TOMM34: variants seen among roughly 807,000 people sequenced by gnomAD.
TOMM34 encodes the protein mitochondrial import receptor subunit TOM34.
TOMM34 carries 24 observed loss-of-function variants against 37.4 expected under a neutral mutation model. The observed-to-expected ratio is 0.64, with a 90% confidence interval of 0.46 to 0.90. The LOEUF (loss-of-function observed/expected upper bound fraction) is 0.90. TOMM34 is among the 40% of genes least tolerant of loss of function. The pLI, the probability that TOMM34 is intolerant of heterozygous loss-of-function variation, is 0.00. For synonymous variants in TOMM34, 154 were observed against 148.9 expected (o/e 1.03, Z -0.25); for missense variants, 304 against 375.6 (o/e 0.81, Z 1.58).
At chr20:44,949,519 G>A (rs1224660076) in intron 4 of TOMM34, among the ~76,000 whole-genome samples, 1 of 152,166 alleles carries the variant, frequency 6.6e-6, no homozygotes, top group Middle Eastern at 3.2e-3. Context: ...GAGGGAACAT[G>A]GTGAAATCCA....
chr20:44,952,125 C>T lies in TOMM34; in HGVS notation c.381-123G>A, dbSNP rs979822196. 4.5e-5 allele frequency: 53 copies of T among 1,168,602 alleles called. 1 individual carries two copies. The highest frequency in any genetic ancestry group is 5.5e-5 in the Non-Finnish European group (47 of 851,866). 72.4% of individuals were successfully genotyped at this position (1,168,602 alleles called of 1,614,324 possible). A position where few individuals can be genotyped will look rare whatever the true frequency, so the allele number is the denominator to read the frequency against. On this transcript the variant is annotated intron_variant, in intron 3 of 6. Transcript: ENST00000372813. ...CCAGAGCTGCCACCCTCCCCCTGGTCGGAACCACCTCTTTAGCTCCTCCAA... is the reference window on the plus strand; with the variant it reads ...CCAGAGCTGCCACCCTCCCCCTGGTTGGAACCACCTCTTTAGCTCCTCCAA...
At chr20:44,955,451 T>C in intron 2 of TOMM34, 1 of 649,168 alleles carries the variant, frequency 1.5e-6, no homozygotes, top group South Asian at 1.5e-5. Context: ...TGTGTGCACA[T>C]GCATCAATTT....
intron 5 of TOMM34, among the ~76,000 whole-genome samples, chr20:44,945,415 C>T (rs1159471928): frequency 6.6e-6 from 1 of 152,136 alleles, no homozygotes; most frequent in African/African-American, 2.4e-5. Context: ...CAACAGAGGA[C>T]AGAGGAAGGG....
chr20:44,951,208 C>T (rs2067023364), intron 4 of TOMM34, among the ~76,000 whole-genome samples: 1 of 152,050 alleles, frequency 6.6e-6, no homozygotes. Flanking sequence ...GAAAAAAATC[C>T]TATCTTTTCC....
At chr20:44,946,420 G>T (rs2066981321) in intron 5 of TOMM34, among the ~76,000 whole-genome samples, 1 of 152,142 alleles carries the variant, frequency 6.6e-6, no homozygotes, top group Non-Finnish European at 1.5e-5. Flanking sequence ...AAAGGGGTTG[G>T]GAAATAACAC....
In TOMM34 at chr20:44,943,661, T is replaced by A; in HGVS notation, c.699-82A>T. On this transcript the variant is annotated intron_variant, in intron 5 of 6. Coordinates refer to ENST00000372813, the MANE Select transcript of TOMM34 (RefSeq NM_006809.5). ...CCACGCAGTAGTTTGAGAAGTGATC[T>A]CCAATTTGCTGAACACCTACTCTGT... is the stretch of plus-strand genomic sequence containing the variant. 1.9e-6 allele frequency: 3 copies of A among 1,588,750 alleles called. No homozygotes were observed. The Admixed American group carries it at 5.1e-5, about 27-fold the overall frequency.
At chr20:44,943,418 T>C in intron 6 of TOMM34, 35 bp downstream of exon 6, 1 of 1,613,898 alleles carries the variant, frequency 6.2e-7, no homozygotes, top group Non-Finnish European at 8.5e-7. Context: ...TCTCTGTAGC[T>C]ATGTTGGGAC....
chr20:44,959,861 G>A (rs1384979287), intron 1 of TOMM34: 1 of 930,338 alleles, frequency 1.1e-6, no homozygotes, highest in Non-Finnish European at 1.3e-6. Context: ...ACAAGAATGC[G>A]CTGTCCTTGA....
chr20:44,950,635 T>G (rs193148618), intron 4 of TOMM34, among the ~76,000 whole-genome samples: 1 of 152,250 alleles, frequency 6.6e-6, no homozygotes, highest in Non-Finnish European at 1.5e-5. Context: ...TCAATGGCAC[T>G]GATGCCATCA....
chr20:44,954,950 G>T, intron 3 of TOMM34, 118 bp downstream of exon 3: 1 of 1,302,434 alleles, frequency 7.7e-7, no homozygotes, highest in South Asian at 1.6e-5. Context: ...TGCCCATCGG[G>T]AGTTTTTTAA....
rs369673094 is a variant in TOMM34, at chr20:44,960,377, C to G, written c.-44G>C. 6.8e-4 allele frequency: 1,016 copies of G among 1,499,350 alleles called. 6 individuals carry two copies. In the African/African-American group the frequency reaches 0.013, roughly 20 times the overall value. The allele number at this position is 1,499,350 out of a possible 1,614,324, so 92.9% of individuals were successfully genotyped here. A position where few individuals can be genotyped will look rare whatever the true frequency, so the allele number is the denominator to read the frequency against. On this transcript the variant is annotated 5_prime_UTR_variant, in exon 1 of 7. Coordinates refer to ENST00000372813, the MANE Select transcript of TOMM34 (RefSeq NM_006809.5). ...AGTTGGGAGCTCCTTCCTTCCTCCC[C>G]CGTGTGGTGCGGCACACCTTCCGGG... is the stretch of plus-strand genomic sequence containing the variant.
intron 4 of TOMM34, among the ~76,000 whole-genome samples, chr20:44,951,136 A>G (rs1276573773): frequency 6.6e-6 from 1 of 152,204 alleles, no homozygotes; most frequent in Non-Finnish European, 1.5e-5. Context: ...GCCTGTGACC[A>G]TGAAGACCAG....
In TOMM34 at chr20:44,960,218, A is replaced by G; in HGVS notation, c.116T>C (p.Leu39Pro). ...GGCCGGGGTCGTACCTTGCGCCTGC[A>G]GCACCCGCAGCGCGCGGCCGTAGAG... The part of the protein sequence containing the change: ...SALYGRALRV[L>P]QAQGSSDPEE... Residue 39 changes from leucine to proline, a missense_variant, in exon 1 of 7, where the codon CTG becomes CCG. By Grantham distance (98) the Leu-to-Pro change is moderately conservative (BLOSUM62 -3). Transcript: ENST00000372813. 5.1e-6 allele frequency: 8 copies of G among 1,559,562 alleles called. No homozygotes were observed. The highest frequency in any genetic ancestry group is 6.9e-6 in the Non-Finnish European group (8 of 1,152,998).
At chr20:44,950,969 G>A (rs2067021168) in intron 4 of TOMM34, among the ~76,000 whole-genome samples, 1 of 152,106 alleles carries the variant, frequency 6.6e-6, no homozygotes. Flanking sequence ...TTGGCTGCTT[G>A]GATCTCCTTT....
chr20:44,955,754 C>G lies in TOMM34; in HGVS notation c.228-534G>C, dbSNP rs942756445. On this transcript the variant is annotated intron_variant, in intron 2 of 6. Transcript: ENST00000372813. Reference sequence around the variant, plus strand: ...CAAGGCATGGCACAAATTAATTCAGCACAGGCTCTGTGAGTATGCTCACAC... The same window carrying G: ...CAAGGCATGGCACAAATTAATTCAGGACAGGCTCTGTGAGTATGCTCACAC... The G allele has an allele frequency of 7.3e-6, 3 of 410,748 alleles. No homozygotes were observed. In the East Asian group the frequency reaches 2.1e-4, roughly 29 times the overall value. 25.4% of individuals were successfully genotyped at this position (410,748 alleles called of 1,614,324 possible). A position where few individuals can be genotyped will look rare whatever the true frequency, so the allele number is the denominator to read the frequency against.
chr20:44,960,350 C>G lies in TOMM34; in HGVS notation c.-17G>C. 6.5e-7 allele frequency: 1 copy of G among 1,550,382 alleles called. No individual in the cohort carries two copies. The highest frequency in any genetic ancestry group is 8.7e-7 in the Non-Finnish European group (1 of 1,146,922). ...GGGGGCCATCCCGTGGCCAGGCCGG[C>G]GAGTTGGGAGCTCCTTCCTTCCTCC... On this transcript the variant is annotated 5_prime_UTR_variant, in exon 1 of 7. Transcript: ENST00000372813.
At chr20:44,948,047 T>G (rs1174897718) in intron 5 of TOMM34, among the ~76,000 whole-genome samples, 1 of 152,196 alleles carries the variant, frequency 6.6e-6, no homozygotes, top group Non-Finnish European at 1.5e-5. Context: ...TGTGCCAACA[T>G]TTACTGGCTG....
At chr20:44,954,793 C>T (rs1446263889) in intron 3 of TOMM34, among the ~76,000 whole-genome samples, 1 of 152,164 alleles carries the variant, frequency 6.6e-6, no homozygotes, top group Admixed American at 6.5e-5. Flanking sequence ...GGGCACAACA[C>T]CTTAAACAGT....
chr20:44,956,542 T>C, intron 1 of TOMM34, 57 bp from the exon 2 acceptor site: 1 of 1,540,408 alleles, frequency 6.5e-7, no homozygotes, highest in Non-Finnish European at 9.0e-7. Context: ...CTCAGGGCAT[T>C]AGGATACATT....
Sources: gnomAD v4.1 joint callset for allele counts (sites outside exome capture counted in the v4.1 genomes callset) on GRCh38, gnomAD v4.1.1 for gene constraint, MANE v1.5 for transcripts, NCBI Gene and HGNC (gene_info 2026-07-23, HGNC 2026-07-21) for gene names.